The following STATH variants were observed in gnomAD, a reference collection of about 807,000 sequenced individuals.
The protein encoded by STATH is statherin.
In STATH, 11 loss-of-function variants were observed where a neutral mutation model predicts 13.3. The observed-to-expected ratio is 0.83, with a 90% CI of 0.52 to 1.37. The LOEUF (loss-of-function observed/expected upper bound fraction) is 1.37, where lower values mean the gene tolerates loss of function less well. Among genes scored for constraint, STATH ranks in the 40% most tolerant of loss-of-function variants. The pLI is 0.00. For missense variants in STATH, 78 were observed against 73.3 expected (o/e 1.06, Z -0.24); for synonymous variants, 25 against 23.6 (o/e 1.06, Z -0.17).
rs141520377 is a variant in STATH at position 70,000,922 on chromosome 4, A to C, written c.162A>C (p.Gln54His). ...PEQPLYPQPY[Q>H]PQYQQYTF Reference sequence around the variant, plus strand: ...AACCACTATACCCACAACCATACCAACCACAATACCAACAATATACCTTTT... The same window carrying C: ...AACCACTATACCCACAACCATACCACCCACAATACCAACAATATACCTTTT... Residue 54 changes from glutamine to histidine, a missense_variant, in exon 5 of 6, where the codon CAA becomes CAC. Coordinates refer to ENST00000246895, the MANE Select transcript of STATH (RefSeq NM_003154.3). The C allele has an allele frequency of 8.3e-5, 133 of 1,611,942 alleles. No homozygotes were observed. Among genetic ancestry groups the C allele is most frequent in the Non-Finnish European group, 9.5e-5 (112 of 1,178,524 alleles).
In STATH at chr4:69,999,711, A is replaced by G. The variant is rs200332032; in HGVS notation, c.72+24A>G. 238 of 1,611,562 alleles carry G rather than the reference A, an allele frequency of 1.5e-4. No individual in the cohort carries two copies. The African/African-American group carries it at 3.0e-3, about 20-fold the overall frequency. On this transcript the variant is annotated intron_variant, in intron 3 of 5. Coordinates refer to ENST00000246895, the MANE Select transcript of STATH (RefSeq NM_003154.3). Reference sequence around the variant, plus strand: ...AGGTGAGTCATTTTCATTCACTGGAAAACTTGTTTTCAGTTTTGTCCTCCC... The same window carrying G: ...AGGTGAGTCATTTTCATTCACTGGAGAACTTGTTTTCAGTTTTGTCCTCCC...
At chr4:69,998,348 G>T in intron 1 of STATH, 75 bp from the exon 2 acceptor site, 1 of 1,055,444 alleles carries the variant, frequency 9.5e-7, no homozygotes, top group Admixed American at 1.8e-5. Flanking sequence ...GCTTTGGAGC[G>T]TAGTATAATC....
intron 5 of STATH, 66 bp downstream of exon 5, chr4:70,001,048 A>C (rs1724650322): frequency 8.5e-7 from 1 of 1,173,956 alleles, no homozygotes; most frequent in Admixed American, 1.8e-5. Flanking sequence ...AAGAAGAAAA[A>C]CAAAAACAAG....
At chr4:69,998,357 T>A in intron 1 of STATH, 66 bp from the exon 2 acceptor site, 1 of 1,207,068 alleles carries the variant, frequency 8.3e-7, no homozygotes, top group Non-Finnish European at 1.2e-6. Context: ...CGTAGTATAA[T>A]CAATAAACTT....
chr4:69,996,054 T>TTCA (rs1724494803), intron 1 of STATH, 29 bp downstream of exon 1: 1 of 152,208 alleles, frequency 6.6e-6, no homozygotes, highest in South Asian at 2.1e-4. Flanking sequence ...ATCGAATATG[T>TTCA]TGTCTTAATC....
At chr4:69,997,363 T>G (rs1048640058) in intron 1 of STATH, among the ~76,000 whole-genome samples, 3 of 152,172 alleles carry the variant, frequency 2.0e-5, no homozygotes, top group Non-Finnish European at 2.9e-5. Context: ...ACAGTAATTT[T>G]TTTTATAATT....
intron 1 of STATH, 22 bp downstream of exon 1, chr4:69,996,047 G>T (rs774105871): frequency 3.3e-5 from 5 of 152,114 alleles, no homozygotes; most frequent in African/African-American, 1.2e-4. Context: ...ATGTATAATC[G>T]AATATGTTGT....
chr4:70,000,220 T>C (rs562941886), intron 4 of STATH: 3 of 172,130 alleles, frequency 1.7e-5, no homozygotes, highest in South Asian at 3.1e-4. Context: ...AAACAGGTCA[T>C]GATAAATGAG....
At chr4:70,001,795 A>G (rs1275768136) in intron 5 of STATH, among the ~76,000 whole-genome samples, 3 of 151,702 alleles carry the variant, frequency 2.0e-5, no homozygotes, top group Non-Finnish European at 4.4e-5. Flanking sequence ...TCAATTCTCT[A>G]TTGCCATTAG....
At position 69,999,825 on chromosome 4, in the gene STATH, T is replaced by A. The variant is rs368038102; in HGVS notation, c.102+16T>A. ...AAGATTCGGTGTAAGTGTTCTCTGA[T>A]AATGCTGTGTAGTCCAAATAAATTG... On this transcript the variant is annotated intron_variant, in intron 4 of 5. Coordinates refer to ENST00000246895, the MANE Select transcript of STATH (RefSeq NM_003154.3). The A allele has an allele frequency of 5.6e-6, 9 of 1,611,230 alleles. No individual in the cohort carries two copies. The highest frequency in any genetic ancestry group is 3.5e-4 in the Middle Eastern group (2 of 5,770).
At chr4:70,001,040 G>A in intron 5 of STATH, 58 bp downstream of exon 5, 5 of 1,243,442 alleles carry the variant, frequency 4.0e-6, no homozygotes, top group South Asian at 1.2e-5. Flanking sequence ...ACAGTTAAAA[G>A]AAGAAAAACA....
At chr4:70,001,316 C>T (rs1459679279) in intron 5 of STATH, among the ~76,000 whole-genome samples, 1 of 151,702 alleles carries the variant, frequency 6.6e-6, no homozygotes, top group Admixed American at 6.6e-5. Context: ...CTTAAATGTG[C>T]TTTTTAGAAT....
chr4:70,002,029 ATTGT>A (rs1427402334), intron 5 of STATH, among the ~76,000 whole-genome samples, 156 bp from the exon 6 acceptor site: 6 of 151,770 alleles, frequency 4.0e-5, no homozygotes, highest in Non-Finnish European at 8.9e-5. Context: ...CAATTTAATA[ATTGT>A]TTAATTGTCT....
chr4:69,996,315 C>T (rs754397639), intron 1 of STATH, among the ~76,000 whole-genome samples: 18 of 152,264 alleles, frequency 1.2e-4, no homozygotes, highest in East Asian at 7.7e-4. Flanking sequence ...TCCTTGTCTA[C>T]GTACTGGCAT....
At chr4:69,999,932 T>A (rs1724610566) in intron 4 of STATH, 123 bp downstream of exon 4, 1 of 1,102,016 alleles carries the variant, frequency 9.1e-7, no homozygotes. Flanking sequence ...TGTGCTTTGT[T>A]TTCCTCTATT....
chr4:69,998,009 G>A (rs1294474732), intron 1 of STATH, among the ~76,000 whole-genome samples: 1 of 151,956 alleles, frequency 6.6e-6, no homozygotes, highest in Non-Finnish European at 1.5e-5. Flanking sequence ...TTTATCTTCT[G>A]ATAAACTGCT....
chr4:70,001,000 A>G lies in STATH; in HGVS notation c.*33+18A>G, dbSNP rs1410579387. 1 of 1,543,076 alleles carries G rather than the reference A, an allele frequency of 6.5e-7. No individual in the cohort carries two copies. Among genetic ancestry groups the G allele is most frequent in the African/African-American group, 1.4e-5 (1 of 73,378 alleles). ...TTATTGAGGTAAGATGGGTTTAGTG[A>G]CATTTTTTTTACTTTCTGTATCAGT... On this transcript the variant is annotated intron_variant, in intron 5 of 5. Coordinates refer to ENST00000246895, the MANE Select transcript of STATH (RefSeq NM_003154.3).
chr4:69,999,912 G>T, intron 4 of STATH, 103 bp downstream of exon 4: 2 of 1,318,980 alleles, frequency 1.5e-6, no homozygotes, highest in Non-Finnish European at 1.1e-6. Flanking sequence ...ATGTGTAGTA[G>T]TTGCAAAAGT....
chr4:70,001,958 G>A (rs867966938), intron 5 of STATH, among the ~76,000 whole-genome samples: 2 of 151,724 alleles, frequency 1.3e-5, no homozygotes, highest in South Asian at 4.1e-4. Context: ...AAAATAGTAT[G>A]ATGATTGAAA....
Sources: allele counts gnomAD v4.1 joint callset (sites outside exome capture counted in the v4.1 genomes callset), GRCh38; gene constraint gnomAD v4.1.1; transcripts MANE v1.5; gene names NCBI Gene and HGNC (gene_info 2026-07-23, HGNC 2026-07-21).